The following KCNIP4 variants were observed in gnomAD, a reference collection of about 807,000 sequenced individuals.
KCNIP4 encodes the protein potassium voltage-gated channel interacting protein 4, also known as Kv channel-interacting protein 4.
In KCNIP4, 12 loss-of-function variants were observed where a neutral mutation model predicts 34.0. The observed-to-expected ratio is 0.35, with a 90% CI of 0.23 to 0.57. The LOEUF is 0.57. KCNIP4 is among the 20% of genes least tolerant of loss of function. The pLI is 0.83. For synonymous variants in KCNIP4, 124 were observed against 102.2 expected (o/e 1.21, Z -1.29); for missense variants, 238 against 311.7 (o/e 0.76, Z 1.78).
intron 1 of KCNIP4, among the ~76,000 whole-genome samples, chr4:21,733,869 T>C (rs1311584308): frequency 6.6e-6 from 1 of 152,196 alleles, no homozygotes; most frequent in African/African-American, 2.4e-5. Flanking sequence ...GCCATTCCCA[T>C]CAATGCATAT....
chr4:21,077,064 G>A lies in KCNIP4; in HGVS notation c.62-194355C>T, dbSNP rs528045642. 1.4e-4 allele frequency among the ~76,000 whole-genome samples: 21 copies of A among 152,202 alleles called. No homozygotes were observed. The South Asian group carries it at 4.1e-3, about 30-fold the overall frequency. On this transcript the variant is annotated intron_variant, in intron 1 of 8. Transcript: ENST00000382152. ...TTCTTGAACCAGGGAGGTGGAGGTT[G>A]CAGTGACAGTGAGCTGAAATTGTTG... is the stretch of plus-strand genomic sequence containing the variant.
At chr4:20,979,492 G>A (rs955838333) in intron 1 of KCNIP4, among the ~76,000 whole-genome samples, 4 of 149,366 alleles carry the variant, frequency 2.7e-5, no homozygotes, top group East Asian at 2.0e-4. Flanking sequence ...TCCGCCTCCC[G>A]GGTTCACGCC....
At chr4:21,887,344 G>C (rs1726835125) in intron 1 of KCNIP4, among the ~76,000 whole-genome samples, 1 of 152,048 alleles carries the variant, frequency 6.6e-6, no homozygotes, top group Non-Finnish European at 1.5e-5. Context: ...TCCTCACTTG[G>C]AGGGGCGCAG....
At chr4:21,212,090 A>G (rs1184569509) in intron 1 of KCNIP4, among the ~76,000 whole-genome samples, 1 of 152,186 alleles carries the variant, frequency 6.6e-6, no homozygotes, top group African/African-American at 2.4e-5. Flanking sequence ...TTCTGCTACT[A>G]CATCCCTTTA....
intron 1 of KCNIP4, among the ~76,000 whole-genome samples, chr4:21,030,454 A>G (rs1195547163): frequency 6.6e-6 from 1 of 152,168 alleles, no homozygotes; most frequent in Non-Finnish European, 1.5e-5. Context: ...AGTGCACAAT[A>G]AATGTAATGT....
intron 1 of KCNIP4, among the ~76,000 whole-genome samples, chr4:21,047,416 G>A (rs1742529490): frequency 6.6e-6 from 1 of 152,128 alleles, no homozygotes; most frequent in African/African-American, 2.4e-5. Flanking sequence ...TGTTTCCTAT[G>A]TGATAGACAT....
At chr4:21,317,894 C>T (rs1374247624) in intron 1 of KCNIP4, among the ~76,000 whole-genome samples, 1 of 152,212 alleles carries the variant, frequency 6.6e-6, no homozygotes, top group African/African-American at 2.4e-5. Flanking sequence ...GCGTGTCTTT[C>T]ACCTTCCACC....
At chr4:20,787,423 ATTTTCT>A (rs1329919409) in intron 3 of KCNIP4, among the ~76,000 whole-genome samples, 1 of 151,668 alleles carries the variant, frequency 6.6e-6, no homozygotes, top group Non-Finnish European at 1.5e-5. Context: ...CTCTTTAAAG[ATTTTCT>A]TTTCTGTCTG....
intron 1 of KCNIP4, among the ~76,000 whole-genome samples, chr4:21,879,773 A>T (rs1260421702): frequency 6.6e-6 from 1 of 151,994 alleles, no homozygotes; most frequent in African/African-American, 2.4e-5. Flanking sequence ...TCCTCACCCA[A>T]ATCTCATCTT....
chr4:21,733,648 A>T (rs1476442500), intron 1 of KCNIP4, among the ~76,000 whole-genome samples: 1 of 152,148 alleles, frequency 6.6e-6, no homozygotes, highest in Non-Finnish European at 1.5e-5. Context: ...GAATATGTTC[A>T]TGTCCTTAAG....
At chr4:21,755,018 G>A (rs2109151959) in intron 1 of KCNIP4, among the ~76,000 whole-genome samples, 1 of 152,248 alleles carries the variant, frequency 6.6e-6, no homozygotes, top group African/African-American at 2.4e-5. Context: ...ATGGTCATGT[G>A]TGCCTGTAAT....
intron 8 of KCNIP4, 100 bp from the exon 9 acceptor site, chr4:20,730,229 A>AC: frequency 7.2e-6 from 10 of 1,389,178 alleles, no homozygotes; most frequent in Non-Finnish European, 9.6e-6. Context: ...AACCACCTCA[A>AC]CCACCTATGC....
At chr4:21,258,413 AG>A (rs1761223159) in intron 1 of KCNIP4, among the ~76,000 whole-genome samples, 1 of 152,216 alleles carries the variant, frequency 6.6e-6, no homozygotes, top group African/African-American at 2.4e-5. Flanking sequence ...CGTGGAAACC[AG>A]AATACTACGT....
intron 1 of KCNIP4, among the ~76,000 whole-genome samples, chr4:21,714,615 G>A (rs1214897366): frequency 6.6e-6 from 1 of 151,844 alleles, no homozygotes; most frequent in African/African-American, 2.4e-5. Flanking sequence ...CTTTTAGTAG[G>A]TCAAGAAGTA....
intron 1 of KCNIP4, among the ~76,000 whole-genome samples, chr4:21,025,543 G>GTT (rs772689134): frequency 0.02 from 709 of 34,774 alleles, 227 homozygotes; most frequent in Middle Eastern, 0.059. Flanking sequence ...CATTGATACT[G>GTT]TTTTTTTTTT....
In KCNIP4 at chr4:21,190,604, C is replaced by A. The variant is rs74615288; in HGVS notation, c.62-307895G>T. On this transcript the variant is annotated intron_variant, in intron 1 of 8. Transcript: ENST00000382152. ...ATAAACCAGGAAAGATGAATGAAAC[C>A]CAAAAACCAAACTAGAAAGGTTAGC... Among the ~76,000 whole-genome samples, 958 of 152,038 alleles carry A rather than the reference C, an allele frequency of 6.3e-3. 10 individuals are homozygous for A. Among genetic ancestry groups the A allele is most frequent in the African/African-American group, 0.021 (850 of 41,456 alleles).
intron 1 of KCNIP4, among the ~76,000 whole-genome samples, chr4:21,790,370 C>T (rs1370329186): frequency 6.6e-6 from 1 of 152,168 alleles, no homozygotes; most frequent in Non-Finnish European, 1.5e-5. Flanking sequence ...CGATACTCTA[C>T]ACACACTCAT....
chr4:21,799,629 C>G (rs192579817), intron 1 of KCNIP4, among the ~76,000 whole-genome samples: 2 of 152,040 alleles, frequency 1.3e-5, no homozygotes, highest in South Asian at 4.1e-4. Context: ...GTTGAATGTG[C>G]CAGGTGCAAA....
intron 1 of KCNIP4, among the ~76,000 whole-genome samples, chr4:21,565,957 A>C (rs1308676556): frequency 6.6e-6 from 1 of 152,118 alleles, no homozygotes; most frequent in African/African-American, 2.4e-5. Context: ...CAGATAGCAC[A>C]AAAAAAGAAG....
Sources: allele counts gnomAD v4.1 joint callset (sites outside exome capture counted in the v4.1 genomes callset), GRCh38; gene constraint gnomAD v4.1.1; transcripts MANE v1.5; gene names NCBI Gene and HGNC (gene_info 2026-07-23, HGNC 2026-07-21).